Variants in TNNI3K observed in about 807,000 individuals in gnomAD.
TNNI3K encodes serine/threonine-protein kinase TNNI3K.
TNNI3K carries 140 observed loss-of-function variants against 114.5 expected under a neutral mutation model. The ratio of observed to expected loss-of-function variants is 1.22; its 90% CI spans 1.07 to 1.41. The LOEUF (loss-of-function observed/expected upper bound fraction) is 1.41, where lower values mean the gene tolerates loss of function less well. Ranked by LOEUF, TNNI3K falls within the 40% of genes most tolerant of loss-of-function variation. The pLI, the probability that TNNI3K is intolerant of heterozygous loss-of-function variation, is 0.00. For synonymous variants in TNNI3K, 347 were observed against 347.5 expected (o/e 1.00, Z 0.02); for missense variants, 1,125 against 1,007.6 (o/e 1.12, Z -1.58).
chr1:74,481,449 G>A (rs757752374), intron 21 of TNNI3K, among the ~76,000 whole-genome samples: 2 of 152,166 alleles, frequency 1.3e-5, no homozygotes, highest in Non-Finnish European at 2.9e-5. Context: ...CAAAAGTAAA[G>A]GTGCGAGTTG....
intron 23 of TNNI3K, among the ~76,000 whole-genome samples, chr1:74,506,921 T>C (rs373444995): frequency 1.3e-5 from 2 of 152,222 alleles, no homozygotes; most frequent in East Asian, 3.8e-4. Flanking sequence ...TTTACCACTT[T>C]CTACTTGGTA....
chr1:74,498,399 A>G (rs1003841565), intron 23 of TNNI3K, among the ~76,000 whole-genome samples: 5 of 152,164 alleles, frequency 3.3e-5, no homozygotes, highest in African/African-American at 1.2e-4. Context: ...CCACGTTATA[A>G]TTCATGTTAT....
intron 20 of TNNI3K, among the ~76,000 whole-genome samples, chr1:74,444,200 G>A (rs28822411): frequency 6.6e-6 from 1 of 152,152 alleles, no homozygotes; most frequent in African/African-American, 2.4e-5. Context: ...TATTCAAATA[G>A]GAAGAGAGAA....
At chr1:74,404,069 A>G (rs776364089) in intron 17 of TNNI3K, among the ~76,000 whole-genome samples, 5 of 152,126 alleles carry the variant, frequency 3.3e-5, no homozygotes, top group Admixed American at 1.3e-4. Flanking sequence ...TTCATACATA[A>G]AAAGTCAGGA....
intron 23 of TNNI3K, among the ~76,000 whole-genome samples, chr1:74,500,070 T>A (rs1029192867): frequency 6.6e-6 from 1 of 151,854 alleles, no homozygotes; most frequent in Admixed American, 6.6e-5. Context: ...AAATAACTAA[T>A]TATATTTTTA....
At chr1:74,538,528 A>G (rs747550844) in intron 23 of TNNI3K, among the ~76,000 whole-genome samples, 5 of 152,180 alleles carry the variant, frequency 3.3e-5, no homozygotes, top group Non-Finnish European at 7.3e-5. Context: ...GAGGGTGTAT[A>G]AGTAAACAGA....
chr1:74,437,894 C>G (rs1158887959), intron 19 of TNNI3K, among the ~76,000 whole-genome samples: 1 of 151,636 alleles, frequency 6.6e-6, no homozygotes, highest in African/African-American at 2.4e-5. Context: ...AAAAATTCCC[C>G]CACATAATTC....
At chr1:74,308,472 T>C (rs1658783211) in intron 5 of TNNI3K, among the ~76,000 whole-genome samples, 1 of 152,086 alleles carries the variant, frequency 6.6e-6, no homozygotes, top group Non-Finnish European at 1.5e-5. Context: ...ATGAAAAGAC[T>C]CACACCATAT....
chr1:74,492,989 C>G (rs1169751444), intron 23 of TNNI3K, among the ~76,000 whole-genome samples: 1 of 152,088 alleles, frequency 6.6e-6, no homozygotes, highest in East Asian at 1.9e-4. Context: ...TCTAGTGTCC[C>G]TTTATCTTCT....
chr1:74,306,234 T>G (rs2100337059), intron 5 of TNNI3K, among the ~76,000 whole-genome samples: 1 of 152,320 alleles, frequency 6.6e-6, no homozygotes, highest in East Asian at 1.9e-4. Context: ...CCATGTAATA[T>G]TCCATGGTAC....
intron 5 of TNNI3K, among the ~76,000 whole-genome samples, chr1:74,304,637 G>A (rs1354671817): frequency 6.6e-6 from 1 of 151,828 alleles, no homozygotes; most frequent in East Asian, 1.9e-4. Flanking sequence ...TAGAAATGGG[G>A]TCTCACTATG....
At chr1:74,418,577 A>G (rs1665245334) in intron 17 of TNNI3K, among the ~76,000 whole-genome samples, 1 of 152,076 alleles carries the variant, frequency 6.6e-6, no homozygotes, top group Admixed American at 6.6e-5. Flanking sequence ...TAAAGTAGTC[A>G]ATTTTACATA....
At chr1:74,323,160 A>G (rs1472976138) in intron 5 of TNNI3K, among the ~76,000 whole-genome samples, 1 of 152,152 alleles carries the variant, frequency 6.6e-6, no homozygotes, top group Non-Finnish European at 1.5e-5. Flanking sequence ...TAATATGACT[A>G]TCACTGAACA....
chr1:74,335,620 C>A (rs1474205219), intron 6 of TNNI3K, among the ~76,000 whole-genome samples: 1 of 152,096 alleles, frequency 6.6e-6, no homozygotes, highest in Non-Finnish European at 1.5e-5. Flanking sequence ...CTAGTCCAGA[C>A]TGAAGAGATA....
chr1:74,528,362 G>A (rs888818992), intron 23 of TNNI3K, among the ~76,000 whole-genome samples: 1 of 152,118 alleles, frequency 6.6e-6, no homozygotes, highest in South Asian at 2.1e-4. Context: ...AGTGAGGAGC[G>A]GACCCACTTG....
intron 23 of TNNI3K, among the ~76,000 whole-genome samples, chr1:74,534,480 G>C (rs910259177): frequency 2.0e-5 from 3 of 152,090 alleles, no homozygotes; most frequent in African/African-American, 7.2e-5. Flanking sequence ...CATTTGGCAG[G>C]CTGTAGTTTG....
chr1:74,266,453 T>C (rs1486467671), intron 4 of TNNI3K, among the ~76,000 whole-genome samples: 1 of 151,958 alleles, frequency 6.6e-6, no homozygotes, highest in Non-Finnish European at 1.5e-5. Flanking sequence ...AACACTCTGC[T>C]CCACGCTATT....
intron 23 of TNNI3K, among the ~76,000 whole-genome samples, chr1:74,499,413 G>A (rs943670104): frequency 1.3e-5 from 2 of 152,154 alleles, no homozygotes; most frequent in African/African-American, 4.8e-5. Context: ...TTATAAATAT[G>A]AGCCACTGCA....
At chr1:74,489,855 A>G (rs182886209) in intron 22 of TNNI3K, among the ~76,000 whole-genome samples, 38 of 152,150 alleles carry the variant, frequency 2.5e-4, no homozygotes, top group Non-Finnish European at 1.3e-4. Flanking sequence ...AAACATGCAC[A>G]CTACTTGAAA....
Sources: gnomAD v4.1 joint callset for allele counts (sites outside exome capture counted in the v4.1 genomes callset) on GRCh38, gnomAD v4.1.1 for gene constraint, MANE v1.5 for transcripts, NCBI Gene and HGNC (gene_info 2026-07-23, HGNC 2026-07-21) for gene names.